The following EFCAB6 variants were observed in gnomAD, a reference collection of about 807,000 sequenced individuals.
EFCAB6 encodes the protein EF-hand calcium-binding domain-containing protein 6.
Under a neutral mutation model 169.8 loss-of-function variants are expected in EFCAB6, and 156 were observed. The ratio of observed to expected loss-of-function variants is 0.92; its 90% CI spans 0.81 to 1.05. The LOEUF (loss-of-function observed/expected upper bound fraction) is 1.05, where lower values mean the gene tolerates loss of function less well. Among genes scored for constraint, EFCAB6 ranks in the 50% least tolerant of loss-of-function variants. The probability of loss-of-function intolerance (pLI) is 0.00; values close to 1 mark genes in which losing one functional copy is unlikely to be tolerated. For synonymous variants in EFCAB6, 698 were observed against 676.4 expected (o/e 1.03, Z -0.50); for missense variants, 1,800 against 1,829.1 (o/e 0.98, Z 0.29).
intron 17 of EFCAB6, among the ~76,000 whole-genome samples, chr22:43,665,124 G>T (rs952790757): frequency 5.9e-5 from 9 of 152,196 alleles, no homozygotes; most frequent in African/African-American, 2.2e-4. Context: ...ACTGAGAACA[G>T]GAAGGATGTA....
intron 17 of EFCAB6, among the ~76,000 whole-genome samples, chr22:43,638,424 C>T (rs975810897): frequency 6.6e-6 from 1 of 152,170 alleles, no homozygotes. Context: ...GTCGTCACTC[C>T]GGCCATCCCT....
intron 17 of EFCAB6, among the ~76,000 whole-genome samples, chr22:43,644,567 T>A (rs1262116728): frequency 6.6e-6 from 1 of 152,220 alleles, no homozygotes; most frequent in Non-Finnish European, 1.5e-5. Flanking sequence ...AAAACAATCC[T>A]TCCTCCAACC....
intron 27 of EFCAB6, among the ~76,000 whole-genome samples, chr22:43,551,452 G>A (rs1326713941): frequency 1.3e-5 from 2 of 152,188 alleles, no homozygotes; most frequent in African/African-American, 4.8e-5. Flanking sequence ...CAGAGTTTGA[G>A]GTTCTTGATG....
At chr22:43,773,133 C>T (rs763191990) in intron 3 of EFCAB6, 30 bp from the exon 4 acceptor site, 1 of 1,609,218 alleles carries the variant, frequency 6.2e-7, no homozygotes, top group Non-Finnish European at 8.5e-7. Context: ...ATTTATTAAA[C>T]ATGTTTAAAG....
chr22:43,683,535 C>G, intron 12 of EFCAB6: 1 of 537,606 alleles, frequency 1.9e-6, no homozygotes, highest in Non-Finnish European at 3.3e-6. Flanking sequence ...AATTAATTTT[C>G]CATCGTCCGT....
chr22:43,536,551 A>G (rs1192366582), intron 29 of EFCAB6: 1 of 152,194 alleles, frequency 6.6e-6, no homozygotes, highest in Non-Finnish European at 1.5e-5. Context: ...AATAAACAAG[A>G]TGTAACTGGG....
intron 10 of EFCAB6, among the ~76,000 whole-genome samples, chr22:43,706,957 TG>T (rs1461631500): frequency 6.6e-6 from 1 of 152,124 alleles, no homozygotes. Flanking sequence ...AGAGCTGAAG[TG>T]GAAACCAAGA....
intron 3 of EFCAB6, among the ~76,000 whole-genome samples, chr22:43,775,855 G>A (rs1335209456): frequency 1.3e-5 from 2 of 152,220 alleles, no homozygotes; most frequent in African/African-American, 4.8e-5. Context: ...CCTTAGCTGA[G>A]GTTCCAGGCA....
rs923166292 is a variant in EFCAB6 at position 43,558,397 on chromosome 22, C to T, written c.3421-3301G>A. Among the ~76,000 whole-genome samples, 16 of 151,916 alleles carry T rather than the reference C, an allele frequency of 1.1e-4. No homozygotes were observed. The East Asian group carries it at 2.7e-3, about 26-fold the overall frequency. On this transcript the variant is annotated intron_variant, in intron 26 of 31. Coordinates refer to ENST00000262726, the MANE Select transcript of EFCAB6 (RefSeq NM_022785.4). Reference sequence around the variant, plus strand: ...AATGCCATATGAAAGGTACATATGACACAGGCATACCTCATTTTTTTTTTT... The same window carrying T: ...AATGCCATATGAAAGGTACATATGATACAGGCATACCTCATTTTTTTTTTT...
In EFCAB6 at chr22:43,737,867, A is replaced by C. The variant is rs540476364; in HGVS notation, c.508-1874T>G. On this transcript the variant is annotated intron_variant, in intron 6 of 31. Coordinates refer to ENST00000262726, the MANE Select transcript of EFCAB6 (RefSeq NM_022785.4). Reference sequence around the variant, plus strand: ...TATATTCTCACACATACATACATGCACATATACTCGCATACACTCACACCA... The same window carrying C: ...TATATTCTCACACATACATACATGCCCATATACTCGCATACACTCACACCA... 5.8e-3 allele frequency among the ~76,000 whole-genome samples: 880 copies of C among 151,176 alleles called. 2 individuals are homozygous for C. Among genetic ancestry groups the C allele is most frequent in the Non-Finnish European group, 9.5e-3 (643 of 67,808 alleles).
At chr22:43,545,823 G>C (rs2147112274) in intron 27 of EFCAB6, among the ~76,000 whole-genome samples, 1 of 152,242 alleles carries the variant, frequency 6.6e-6, no homozygotes, top group Non-Finnish European at 1.5e-5. Context: ...AGCATCTTTG[G>C]CACTTGGAAG....
chr22:43,739,923 C>T (rs541071216), intron 6 of EFCAB6, among the ~76,000 whole-genome samples: 18 of 152,206 alleles, frequency 1.2e-4, no homozygotes, highest in South Asian at 2.1e-4. Flanking sequence ...CAAAACCCCC[C>T]AGGGCTCCCA....
intron 2 of EFCAB6, among the ~76,000 whole-genome samples, chr22:43,806,777 A>G (rs955320992): frequency 9.2e-5 from 14 of 152,194 alleles, no homozygotes; most frequent in Non-Finnish European, 2.1e-4. Context: ...CTGAGGGTAT[A>G]TCCCCTTCCT....
chr22:43,590,200 A>C lies in EFCAB6; in HGVS notation c.2906T>G (p.Ile969Ser), dbSNP rs1414852411. 3.1e-6 allele frequency: 5 copies of C among 1,613,982 alleles called. No individual in the cohort carries two copies. The South Asian group carries it at 5.5e-5, about 18-fold the overall frequency. ...RDKLMDRHQD[I>S]SKAFTKTDQS... ...ATCAGTTTTGGTGAATGCTTTGCTG[A>C]TATCTTGATGGCGGTCCATAAGCTT... Residue 969 changes from isoleucine to serine, a missense_variant, in exon 24 of 32, where the codon ATC becomes AGC. Ile to Ser is a moderately radical substitution (Grantham distance 142, BLOSUM62 -2). Coordinates refer to ENST00000262726, the MANE Select transcript of EFCAB6 (RefSeq NM_022785.4).
intron 29 of EFCAB6, chr22:43,535,175 TC>T (rs879615713): frequency 7.1e-6 from 2 of 281,516 alleles, no homozygotes; most frequent in Non-Finnish European, 1.3e-5. Flanking sequence ...AAGGGGGTGT[TC>T]CCCGCCGTGT....
intron 23 of EFCAB6, among the ~76,000 whole-genome samples, chr22:43,591,073 C>T (rs1315886940): frequency 1.3e-5 from 2 of 151,512 alleles, no homozygotes. Context: ...GTGCCAAAGA[C>T]CCCCTGGGTT....
At chr22:43,724,667 G>A (rs1347116330) in intron 8 of EFCAB6, among the ~76,000 whole-genome samples, 1 of 152,110 alleles carries the variant, frequency 6.6e-6, no homozygotes, top group Non-Finnish European at 1.5e-5. Context: ...ACCGTGCCCT[G>A]CCTACCATCC....
At position 43,600,331 on chromosome 22, in the gene EFCAB6, T is replaced by C. The variant is rs1344752893; in HGVS notation, c.2682-68A>G. 14 of 1,515,286 alleles carry C rather than the reference T, an allele frequency of 9.2e-6. No individual in the cohort carries two copies. In the Admixed American group the frequency reaches 2.3e-4, roughly 25 times the overall value. 93.9% of individuals were successfully genotyped at this position (1,515,286 alleles called of 1,614,324 possible). A position where few individuals can be genotyped will look rare whatever the true frequency, so the allele number is the denominator to read the frequency against. On this transcript the variant is annotated intron_variant, in intron 22 of 31. Coordinates refer to ENST00000262726, the MANE Select transcript of EFCAB6 (RefSeq NM_022785.4). Reference sequence around the variant, plus strand: ...GTAAGGTGTGCTGATGCTCAGGGTTTGGAAAATGCCTGCACCATCCATGAG... The same window carrying C: ...GTAAGGTGTGCTGATGCTCAGGGTTCGGAAAATGCCTGCACCATCCATGAG...
At chr22:43,784,558 CACATAT>C (rs2061961669) in intron 2 of EFCAB6, among the ~76,000 whole-genome samples, 1 of 84,256 alleles carries the variant, frequency 1.2e-5, no homozygotes, top group Non-Finnish European at 2.2e-5. Flanking sequence ...TGTATATATA[CACATAT>C]ATATGTGTAC....
Sources: gnomAD v4.1 joint callset for allele counts (sites outside exome capture counted in the v4.1 genomes callset) on GRCh38, gnomAD v4.1.1 for gene constraint, MANE v1.5 for transcripts, NCBI Gene and HGNC (gene_info 2026-07-23, HGNC 2026-07-21) for gene names.